DUOX2: variants seen among roughly 807,000 people sequenced by gnomAD.
DUOX2 encodes the protein dual oxidase 2, also known as NADH/NADPH thyroid oxidase p138-tox.
Under a neutral mutation model 183.3 loss-of-function variants are expected in DUOX2, and 185 were observed. The observed-to-expected ratio is 1.01, with a 90% CI of 0.90 to 1.14. The LOEUF is 1.14. Among genes scored for constraint, DUOX2 ranks in the 50% most tolerant of loss-of-function variants. The pLI, the probability that DUOX2 is intolerant of heterozygous loss-of-function variation, is 0.00. For synonymous variants in DUOX2, 788 were observed against 812.4 expected, an observed-to-expected ratio of 0.97 and a Z score of 0.51; for missense variants, 1,999 against 2,022.9, an observed-to-expected ratio of 0.99 and a Z score of 0.23.
Position 45,099,875 on chromosome 15 carries a change from G to T in DUOX2, c.3202C>A (p.Pro1068Thr), listed in dbSNP as rs376368928. 3 of 1,613,986 alleles carry T rather than the reference G, an allele frequency of 1.9e-6. No individual in the cohort carries two copies. The African/African-American group carries it at 4.0e-5, about 22-fold the overall frequency. The change falls in exon 25 of 34, where the codon CCA (proline) becomes ACA (threonine). Residue 1068 changes from proline (P) to threonine (T), a missense_variant. Around this residue, in one of 3 missense-constraint regions of DUOX2, gnomAD observed 1,628 missense variants for 1,608.6 expected, o/e 1.01. Coordinates refer to ENST00000389039, the MANE Select transcript of DUOX2 (RefSeq NM_001363711.2). Reference sequence around the variant, plus strand: ...GTGGTCTGTGCAATGTCCGAGGGTGGCGAGGCAAAGCCATAGTCTGGGGCC... The same window carrying T: ...GTGGTCTGTGCAATGTCCGAGGGTGTCGAGGCAAAGCCATAGTCTGGGGCC... Reference protein sequence around the residue: ...DRAYYYGFASPPSDIAQTTLV... With the variant: ...DRAYYYGFASTPSDIAQTTLV...
intron 23 of DUOX2, chr15:45,100,470 T>C (rs1028625162): frequency 9.9e-6 from 6 of 607,602 alleles, no homozygotes; most frequent in Admixed American, 5.9e-5. Context: ...TCCTTCTTTC[T>C]TCCTGATCCC....
chr15:45,103,868 A>C, intron 20 of DUOX2, 92 bp downstream of exon 20: 2 of 1,343,970 alleles, frequency 1.5e-6, no homozygotes, highest in Non-Finnish European at 2.1e-6. Flanking sequence ...AGATGACCAC[A>C]GAGCCTCTTT....
intron 4 of DUOX2, 72 bp downstream of exon 4, chr15:45,112,482 C>T (rs1478922786): frequency 6.3e-7 from 1 of 1,578,392 alleles, no homozygotes. Flanking sequence ...GACTCGCAGA[C>T]GGGATCTGGC....
chr15:45,112,925 C>A, intron 3 of DUOX2, 62 bp downstream of exon 3: 1 of 1,588,898 alleles, frequency 6.3e-7, no homozygotes, highest in Non-Finnish European at 8.6e-7. Context: ...CCGCTCAGGG[C>A]CTTTCGCGCC....
intron 26 of DUOX2, chr15:45,099,117 T>C: frequency 5.2e-6 from 2 of 384,268 alleles, no homozygotes; most frequent in African/African-American, 2.1e-5. Context: ...TTCATGCCAT[T>C]CTCCTGCCTC....
chr15:45,102,723 T>A (rs56838826), intron 20 of DUOX2, among the ~76,000 whole-genome samples: 4 of 152,140 alleles, frequency 2.6e-5, no homozygotes, highest in African/African-American at 9.7e-5. Flanking sequence ...GGCTCACGCC[T>A]GTAACCCTAG....
chr15:45,112,564 C>A lies in DUOX2; in HGVS notation c.315G>T (p.Gly105=), dbSNP rs1285774354. The A allele has an allele frequency of 6.2e-7, 1 of 1,613,030 alleles. No individual in the cohort carries two copies. Among genetic ancestry groups the A allele is most frequent in the Admixed American group, 1.7e-5 (1 of 60,000 alleles). The change falls in exon 4 of 34, where the codon GGG becomes GGT. Residue 105 remains glycine, a synonymous_variant. Transcript: ENST00000389039. The stretch of plus-strand genomic sequence containing the variant: ...CCCCTTTGCCCTCACCAAAGAAGAC[C>A]CCCAGTACGGTGCGGTTGTGGAGCG... ...LPSLHNRTVL[G]VFFGYHVLSD...
chr15:45,101,754 C>T (rs1382233680), intron 21 of DUOX2, 39 bp downstream of exon 21: 9 of 1,612,506 alleles, frequency 5.6e-6, no homozygotes, highest in Middle Eastern at 1.7e-4. Context: ...TGAGGACACG[C>T]CCCCCCTCCC....
chr15:45,100,402 T>C (rs1486440218), intron 23 of DUOX2, 174 bp from the exon 24 acceptor site: 3 of 641,060 alleles, frequency 4.7e-6, no homozygotes, highest in Non-Finnish European at 5.4e-6. Flanking sequence ...ACTTCTGTCT[T>C]TGCTCCATCC....
Position 45,099,375 on chromosome 15 carries a change from G to C in DUOX2, c.3515+8C>G, listed in dbSNP as rs1893999927. The C allele has an allele frequency of 1.9e-6, 3 of 1,612,822 alleles. No individual in the cohort carries two copies. The highest frequency in any genetic ancestry group is 2.5e-6 in the Non-Finnish European group (3 of 1,178,926). On this transcript the variant is annotated splice_region_variant and intron_variant, in intron 26 of 33. Coordinates refer to ENST00000389039, the MANE Select transcript of DUOX2 (RefSeq NM_001363711.2). ...TGAGTCCCAGGAGAAACCATCCCCA[G>C]AACTGACCCATCATTCACAAAGACG...
At chr15:45,109,442 C>T (rs1894318297) in intron 11 of DUOX2, 82 bp downstream of exon 11, 1 of 1,209,820 alleles carries the variant, frequency 8.3e-7, no homozygotes, top group East Asian at 2.3e-5. Context: ...CGTGAGCGCC[C>T]TAGGTCTGCT....
intron 27 of DUOX2, 120 bp downstream of exon 27, chr15:45,097,889 G>A (rs1036317642): frequency 1.9e-6 from 3 of 1,545,480 alleles, no homozygotes; most frequent in Non-Finnish European, 2.7e-6. Context: ...TTTGAGCTGG[G>A]GCTTGTCCTG....
Position 45,108,949 on chromosome 15 carries a change from T to C in DUOX2, c.1238A>G (p.Tyr413Cys). The part of the protein sequence containing the change: ...DNIVVEDLRD[Y>C]WPGPGKFSRT... Reference sequence around the variant, plus strand: ...GGAGAATTTGCCAGGGCCAGGCCAGTAATCTGAAGAGGAGAGAAGACTAGA... The same window carrying C: ...GGAGAATTTGCCAGGGCCAGGCCAGCAATCTGAAGAGGAGAGAAGACTAGA... Residue 413 changes from tyrosine to cysteine, a missense_variant, in exon 12 of 34, where the codon TAC becomes TGC. Transcript: ENST00000389039. The C allele has an allele frequency of 6.2e-7, 1 of 1,614,212 alleles. No homozygotes were observed. Among genetic ancestry groups the C allele is most frequent in the South Asian group, 1.1e-5 (1 of 91,088 alleles).
chr15:45,095,800 C>T (rs370768784), intron 30 of DUOX2, 28 bp downstream of exon 30: 73 of 1,604,374 alleles, frequency 4.6e-5, no homozygotes, highest in Admixed American at 1.8e-4. Context: ...GCCAGAGGCC[C>T]GGAAGCAGGG....
intron 11 of DUOX2, chr15:45,109,236 G>T: frequency 1.7e-6 from 1 of 599,980 alleles, no homozygotes; most frequent in Non-Finnish European, 2.9e-6. Context: ...TCAAGACAGG[G>T]CTGAATGAAA....
At chr15:45,100,393 C>T in intron 23 of DUOX2, 165 bp from the exon 24 acceptor site, 1 of 658,036 alleles carries the variant, frequency 1.5e-6, no homozygotes. Flanking sequence ...CAACCCTTTA[C>T]TTCTGTCTTT....
Position 45,106,882 on chromosome 15 carries a change from C to T in DUOX2, c.1781G>A (p.Ser594Asn). The T allele has an allele frequency of 6.3e-7, 1 of 1,587,578 alleles. No individual in the cohort carries two copies. The highest frequency in any genetic ancestry group is 8.6e-7 in the Non-Finnish European group (1 of 1,167,700). ...GATGGTGATGGCAAAACCAGGGCTG[C>T]TGCCTTCAAAGAAGTCAAGCACAGT... ...PLTVLDFFEG[S>N]SPGFAITIIA... is the part of the protein sequence containing the mutation. Residue 594 changes from serine (S) to asparagine (N), a missense_variant, in exon 15 of 34, where the codon AGC (serine) becomes AAC (asparagine). Ser to Asn is a conservative substitution (Grantham distance 46). This residue lies in a region of DUOX2 where 1,628 missense variants were observed against 1,608.6 expected (regional missense o/e 1.01). Transcript: ENST00000389039.
chr15:45,094,819 G>T, intron 32 of DUOX2, 117 bp downstream of exon 32: 2 of 1,593,918 alleles, frequency 1.3e-6, no homozygotes, highest in Non-Finnish European at 1.7e-6. Flanking sequence ...CAGGCCATCA[G>T]CTCTGTGCCT....
chr15:45,101,617 C>A, intron 21 of DUOX2, 176 bp downstream of exon 21: 1 of 755,510 alleles, frequency 1.3e-6, no homozygotes, highest in Non-Finnish European at 2.2e-6. Flanking sequence ...CAGTGGGTAT[C>A]ATTGTGCATT....
Sources: gnomAD v4.1 joint callset for allele counts (sites outside exome capture counted in the v4.1 genomes callset) on GRCh38, gnomAD v4.1.1 for gene constraint, gnomAD v4.1.1 regional missense constraint, MANE v1.5 for transcripts, NCBI Gene and HGNC (gene_info 2026-07-23, HGNC 2026-07-21) for gene names.